PPAT: variants seen among roughly 807,000 people sequenced by gnomAD.
PPAT encodes the protein amidophosphoribosyltransferase.
PPAT carries 20 observed loss-of-function variants against 60.2 expected under a neutral mutation model. The observed-to-expected ratio is 0.33, with a 90% CI of 0.23 to 0.48. PPAT has a LOEUF of 0.48. PPAT is among the 20% of genes least tolerant of loss of function. The pLI is 0.99. For missense variants in PPAT, 349 were observed against 629.6 expected, an observed-to-expected ratio of 0.55 and a Z score of 4.77; for synonymous variants, 194 against 215.1, an observed-to-expected ratio of 0.90 and a Z score of 0.86.
At chr4:56,434,600 C>T (rs1242311042) in intron 1 of PPAT, among the ~76,000 whole-genome samples, 2 of 152,148 alleles carry the variant, frequency 1.3e-5, no homozygotes, top group East Asian at 3.8e-4. Context: ...GGCATAGAGA[C>T]ACTACTCCCC....
At chr4:56,410,794 T>G (rs1219139837) in intron 1 of PPAT, 1 of 985,134 alleles carries the variant, frequency 1.0e-6, no homozygotes, top group African/African-American at 1.8e-5. Flanking sequence ...ATGATTTGGA[T>G]GTAATCCTGC....
At position 56,435,607 on chromosome 4, in the gene PPAT, C is replaced by G. The variant is rs1717869448; in HGVS notation, c.-130G>C. On this transcript the variant is annotated 5_prime_UTR_variant, in exon 1 of 11. Transcript: ENST00000264220. ...AGGCTCTTCCTTCCCGAGGGTGGCC[C>G]CAGCTACTGCGGCGGCGCGCGCTGT... 2 of 1,515,958 alleles carry G rather than the reference C, an allele frequency of 1.3e-6. No homozygotes were observed. Among genetic ancestry groups the G allele is most frequent in the South Asian group, 1.3e-5 (1 of 79,988 alleles). 93.9% of individuals were successfully genotyped at this position (1,515,958 alleles called of 1,614,324 possible).
Position 56,411,430 on chromosome 4 carries a change from A to G in PPAT, c.129-3714T>C, listed in dbSNP as rs184797776. Among the ~76,000 whole-genome samples, 68 of 152,340 alleles carry G rather than the reference A, an allele frequency of 4.5e-4. 1 individual carries two copies. The highest frequency in any genetic ancestry group is 8.7e-4 in the Non-Finnish European group (59 of 68,028). Reference sequence around the variant, plus strand: ...CTCCATTTTAACAATGAAGAAGAACAGCTCCATTTTAACAATGAAGTATAA... The same window carrying G: ...CTCCATTTTAACAATGAAGAAGAACGGCTCCATTTTAACAATGAAGTATAA... On this transcript the variant is annotated intron_variant, in intron 1 of 10. Transcript: ENST00000264220.
At chr4:56,420,564 A>G (rs1215402660) in intron 1 of PPAT, 1 of 152,248 alleles carries the variant, frequency 6.6e-6, no homozygotes, top group Non-Finnish European at 1.5e-5. Context: ...GAATAGAAAC[A>G]GTACAGTTAT....
At chr4:56,401,269 A>G in intron 7 of PPAT, 61 bp downstream of exon 7, 1 of 1,442,664 alleles carries the variant, frequency 6.9e-7, no homozygotes, top group Non-Finnish European at 9.4e-7. Flanking sequence ...AAGAATTGCC[A>G]TGTTTCAAGG....
At chr4:56,402,079 A>G in intron 6 of PPAT, 30 bp downstream of exon 6, 1 of 1,491,472 alleles carries the variant, frequency 6.7e-7, no homozygotes, top group East Asian at 2.3e-5. Context: ...ACATGGGAAA[A>G]TAAAATATGT....
intron 1 of PPAT, among the ~76,000 whole-genome samples, chr4:56,430,513 A>G (rs1345758757): frequency 6.6e-6 from 1 of 152,162 alleles, no homozygotes; most frequent in Non-Finnish European, 1.5e-5. Context: ...ACTTAGATGT[A>G]CATTATTCCT....
intron 1 of PPAT, among the ~76,000 whole-genome samples, chr4:56,411,053 T>C (rs1431567807): frequency 2.0e-5 from 3 of 152,118 alleles, no homozygotes; most frequent in East Asian, 3.9e-4. Context: ...CAATTTATTA[T>C]GCTATTTTGC....
At chr4:56,426,346 G>A (rs1717287080) in intron 1 of PPAT, among the ~76,000 whole-genome samples, 2 of 151,998 alleles carry the variant, frequency 1.3e-5, no homozygotes, top group South Asian at 4.2e-4. Context: ...AGGTTGCAGT[G>A]AGCCGTGGTC....
At chr4:56,422,130 T>G (rs988789189) in intron 1 of PPAT, 1 of 151,958 alleles carries the variant, frequency 6.6e-6, no homozygotes, top group Non-Finnish European at 1.5e-5. Context: ...AAAAATTAGC[T>G]AGGTGTGGTG....
At chr4:56,408,868 G>C (rs191939872) in intron 1 of PPAT, among the ~76,000 whole-genome samples, 1 of 151,868 alleles carries the variant, frequency 6.6e-6, no homozygotes, top group South Asian at 2.1e-4. Context: ...CCCTTCCCCA[G>C]AAGAACCACC....
At chr4:56,421,845 A>G (rs534890310) in intron 1 of PPAT, 1 of 152,294 alleles carries the variant, frequency 6.6e-6, no homozygotes, top group Admixed American at 6.5e-5. Flanking sequence ...TTATGTCAGA[A>G]GACTTAGTTA....
At position 56,406,511 on chromosome 4, in the gene PPAT, G is replaced by A; in HGVS notation, c.386C>T (p.Ala129Val). Residue 129 changes from alanine to valine, a missense_variant, in exon 3 of 11, where the codon GCT (alanine) becomes GTT (valine). By Grantham distance (64) the Ala-to-Val change is moderately conservative. Around this residue, in one of 5 missense-constraint regions of PPAT, gnomAD observed 115 missense variants for 174.5 expected, o/e 0.66. Transcript: ENST00000264220. ...VAHNGELVNA[A>V]RLRKKLLRHG... ...CAAACGTACCTTTTTCCTTAATCGA[G>A]CAGCATTTACCAATTCGCCATTATG... 6.2e-7 allele frequency: 1 copy of A among 1,611,908 alleles called. No homozygotes were observed. Among genetic ancestry groups the A allele is most frequent in the Non-Finnish European group, 8.5e-7 (1 of 1,179,646 alleles).
intron 6 of PPAT, 94 bp downstream of exon 6, chr4:56,402,015 A>G: frequency 1.0e-6 from 1 of 996,656 alleles, no homozygotes; most frequent in Admixed American, 2.6e-5. Flanking sequence ...CATCAAAAAG[A>G]AAACTTTCAA....
In PPAT at chr4:56,416,304, G is replaced by C. The variant is rs187526438; in HGVS notation, c.129-8588C>G. The C allele has an allele frequency of 7.9e-3, 1,754 of 222,034 alleles. 15 individuals carry two copies. The highest frequency in any genetic ancestry group is 7.6e-3 in the Non-Finnish European group (1,002 of 131,950). 13.8% of individuals were successfully genotyped at this position (222,034 alleles called of 1,614,324 possible). A position where few individuals can be genotyped will look rare whatever the true frequency, so the allele number is the denominator to read the frequency against. On this transcript the variant is annotated intron_variant, in intron 1 of 10. Transcript: ENST00000264220. ...TGACCACATTTAGCTAAAGCTATTAGAATTATCAGTCATGTTGTTTCTAAA... is the reference window on the plus strand; with the variant it reads ...TGACCACATTTAGCTAAAGCTATTACAATTATCAGTCATGTTGTTTCTAAA...
intron 1 of PPAT, chr4:56,422,475 T>C (rs1214942950): frequency 9.1e-6 from 1 of 110,316 alleles, no homozygotes; most frequent in African/African-American, 3.4e-5. Context: ...GGTTTTTTTT[T>C]TTTGTACGTG....
Position 56,407,730 on chromosome 4 carries a change from A to G in PPAT, c.129-14T>C. 1 of 1,582,812 alleles carries G rather than the reference A, an allele frequency of 6.3e-7. No homozygotes were observed. Among genetic ancestry groups the G allele is most frequent in the Non-Finnish European group, 8.7e-7 (1 of 1,151,260 alleles). ...CTCTCCTGACCCCTGTGAATATAAA[A>G]AGATATTAGCTGTTAAATCTGCCAA... On this transcript the variant is annotated splice_polypyrimidine_tract_variant and intron_variant, in intron 1 of 10. Transcript: ENST00000264220.
chr4:56,402,949 A>G (rs1204301263), intron 5 of PPAT, 91 bp downstream of exon 5: 2 of 1,252,392 alleles, frequency 1.6e-6, no homozygotes, highest in African/African-American at 1.5e-5. Flanking sequence ...CCACCCATCA[A>G]CTTTCTATAC....
chr4:56,427,617 G>A (rs980855528), intron 1 of PPAT, among the ~76,000 whole-genome samples: 4 of 149,618 alleles, frequency 2.7e-5, no homozygotes, highest in African/African-American at 4.9e-5. Flanking sequence ...CGCCAGCCTC[G>A]GCAACATAGT....
Sources: gnomAD v4.1 joint callset for allele counts (sites outside exome capture counted in the v4.1 genomes callset) on GRCh38, gnomAD v4.1.1 for gene constraint, gnomAD v4.1.1 regional missense constraint, MANE v1.5 for transcripts, NCBI Gene and HGNC (gene_info 2026-07-23, HGNC 2026-07-21) for gene names.